Variants in TCERG1L observed in about 807,000 individuals in gnomAD.
TCERG1L encodes transcription elongation regulator 1 like.
A neutral mutation model predicts 56.3 loss-of-function variants in TCERG1L; 37 were observed. The observed-to-expected ratio is 0.66, with a 90% CI of 0.51 to 0.87. The LOEUF (loss-of-function observed/expected upper bound fraction) is 0.87. Ranked by LOEUF, TCERG1L falls within the 40% of genes least tolerant of loss-of-function variation. The probability of loss-of-function intolerance (pLI) is 0.00; values close to 1 mark genes in which losing one functional copy is unlikely to be tolerated. For missense variants in TCERG1L, 799 were observed against 774.2 expected, an observed-to-expected ratio of 1.03 and a Z score of -0.38; for synonymous variants, 324 against 326.3, an observed-to-expected ratio of 0.99 and a Z score of 0.08.
intron 4 of TCERG1L, among the ~76,000 whole-genome samples, chr10:131,234,848 C>T (rs1005618261): frequency 6.6e-6 from 1 of 152,198 alleles, no homozygotes; most frequent in South Asian, 2.1e-4. Context: ...GGACTACAGG[C>T]GTGCGCCACC....
chr10:131,153,167 C>T (rs1410140404), intron 6 of TCERG1L, among the ~76,000 whole-genome samples: 1 of 152,126 alleles, frequency 6.6e-6, no homozygotes, highest in Non-Finnish European at 1.5e-5. Context: ...TCCCCAGACA[C>T]TAGGCTGAGT....
intron 8 of TCERG1L, among the ~76,000 whole-genome samples, chr10:131,123,819 G>A (rs1436357331): frequency 6.6e-6 from 1 of 152,154 alleles, no homozygotes; most frequent in Admixed American, 6.5e-5. Context: ...ATTCCCATTA[G>A]GACCCCACGG....
In TCERG1L at chr10:131,267,832, G is replaced by A. The variant is rs557514876; in HGVS notation, c.671-7388C>T. Among the ~76,000 whole-genome samples, 110 of 152,276 alleles carry A rather than the reference G, an allele frequency of 7.2e-4. No homozygotes were observed. Among genetic ancestry groups the A allele is most frequent in the African/African-American group, 2.6e-3 (107 of 41,560 alleles). ...GTCCACCTCCTTGCAGACTTCGGTG[G>A]GGGCTCCAGGGCCTTGCCAGGCCCG... On this transcript the variant is annotated intron_variant, in intron 3 of 11. Transcript: ENST00000368642. This position sits in a 1 kb window ranked among gnomAD's most constrained non-coding sequence, Gnocchi z 4.9.
intron 3 of TCERG1L, among the ~76,000 whole-genome samples, chr10:131,277,644 A>G (rs1286036861): frequency 2.0e-5 from 3 of 152,216 alleles, no homozygotes; most frequent in African/African-American, 7.2e-5. Flanking sequence ...ACAAGCTAAC[A>G]GAAAGCTTGA....
chr10:131,123,597 T>A (rs570379407), intron 8 of TCERG1L, among the ~76,000 whole-genome samples: 96 of 152,226 alleles, frequency 6.3e-4, no homozygotes, highest in East Asian at 1.4e-3. Context: ...GCTGTGACCT[T>A]TCACTCCCAG....
intron 4 of TCERG1L, among the ~76,000 whole-genome samples, chr10:131,231,250 C>T (rs1845848637): frequency 6.6e-6 from 1 of 152,218 alleles, no homozygotes. Context: ...CAGCAGGCTC[C>T]AGTGCTTCTC....
chr10:131,211,835 T>C (rs1845624333), intron 4 of TCERG1L, among the ~76,000 whole-genome samples: 4 of 152,172 alleles, frequency 2.6e-5, no homozygotes, highest in Non-Finnish European at 5.9e-5. Context: ...GGAGCATCCA[T>C]TTCTCTGATG....
intron 3 of TCERG1L, among the ~76,000 whole-genome samples, chr10:131,281,083 T>C (rs1846446622): frequency 6.6e-6 from 1 of 152,234 alleles, no homozygotes; most frequent in Admixed American, 6.5e-5. Context: ...ATCCAAAGCC[T>C]GCATCAATGT....
intron 11 of TCERG1L, among the ~76,000 whole-genome samples, chr10:131,096,789 C>T (rs1845251937): frequency 6.6e-6 from 1 of 151,708 alleles, no homozygotes; most frequent in Admixed American, 6.6e-5. Context: ...CACCTGTAGT[C>T]CCAGCTACTT....
chr10:131,223,277 A>C (rs753187780), intron 4 of TCERG1L, among the ~76,000 whole-genome samples: 17 of 152,314 alleles, frequency 1.1e-4, no homozygotes, highest in African/African-American at 1.9e-4. Context: ...CGGCAAGCCC[A>C]GCCGTGTCCC....
chr10:131,260,885 T>C lies in TCERG1L; in HGVS notation c.671-441A>G, dbSNP rs1846231485. On this transcript the variant is annotated intron_variant, in intron 3 of 11. Transcript: ENST00000368642. The surrounding 1 kb of genome is among the most constrained non-coding windows in gnomAD (Gnocchi z 5.8). ...GGTGGTTTGGAAGAAGGGGCAGCTG[T>C]GGGCCAGGGTGGAGAGAGGTTTCCA... 6.6e-6 allele frequency among the ~76,000 whole-genome samples: 1 copy of C among 152,090 alleles called. No individual in the cohort carries two copies. Among genetic ancestry groups the C allele is most frequent in the Admixed American group, 6.5e-5 (1 of 15,274 alleles).
chr10:131,121,711 C>G (rs1356171933), intron 8 of TCERG1L, among the ~76,000 whole-genome samples: 1 of 152,120 alleles, frequency 6.6e-6, no homozygotes, highest in Non-Finnish European at 1.5e-5. Flanking sequence ...GACAGAGATG[C>G]CCCCTCGGCC....
chr10:131,101,608 T>G (rs774009793), intron 10 of TCERG1L, among the ~76,000 whole-genome samples: 3 of 152,152 alleles, frequency 2.0e-5, no homozygotes, highest in Non-Finnish European at 2.9e-5. Flanking sequence ...ACTGATGATT[T>G]TAGACACTGC....
chr10:131,101,620 C>T (rs1257371668), intron 10 of TCERG1L, among the ~76,000 whole-genome samples: 1 of 152,164 alleles, frequency 6.6e-6, no homozygotes, highest in African/African-American at 2.4e-5. Context: ...AGACACTGCC[C>T]GGTTTATGGC....
intron 4 of TCERG1L, among the ~76,000 whole-genome samples, chr10:131,181,671 G>A (rs1175565821): frequency 3.9e-5 from 6 of 152,328 alleles, no homozygotes. Context: ...ACCCTGGCCC[G>A]GAGGAGACCT....
chr10:131,178,334 A>G (rs1256869913), intron 4 of TCERG1L, among the ~76,000 whole-genome samples: 1 of 152,198 alleles, frequency 6.6e-6, no homozygotes, highest in Non-Finnish European at 1.5e-5. Context: ...TTGAAACAAG[A>G]CGAGGCAGGT....
chr10:131,214,048 ACG>A (rs1845644656), intron 4 of TCERG1L, among the ~76,000 whole-genome samples: 2 of 77,350 alleles, frequency 2.6e-5, no homozygotes, highest in South Asian at 4.4e-4. Flanking sequence ...GCACACACAC[ACG>A]CACACACACA....
At chr10:131,160,008 G>A (rs555592226) in intron 6 of TCERG1L, among the ~76,000 whole-genome samples, 1 of 152,304 alleles carries the variant, frequency 6.6e-6, no homozygotes, top group African/African-American at 2.4e-5. Context: ...TCTGCATTCA[G>A]GTGGGGCTGA....
In TCERG1L at chr10:131,093,063, G is replaced by T; in HGVS notation, c.*99C>A. The T allele has an allele frequency of 2.2e-6, 3 of 1,341,596 alleles. No homozygotes were observed. The highest frequency in any genetic ancestry group is 2.2e-5 in the Admixed American group (1 of 44,510). 83.1% of individuals were successfully genotyped at this position (1,341,596 alleles called of 1,614,324 possible). On this transcript the variant is annotated 3_prime_UTR_variant, in exon 12 of 12. Coordinates refer to ENST00000368642, the MANE Select transcript of TCERG1L (RefSeq NM_174937.4). ...TGCCGGTGCCCGCTGGGCCGTGCAG[G>T]TCTCGGCCGCCCCACGCCCGTGTCC...
Sources: gnomAD v4.1 joint callset for allele counts (sites outside exome capture counted in the v4.1 genomes callset) on GRCh38, gnomAD v4.1.1 for gene constraint, Gnocchi (gnomAD v3.1) non-coding constraint, MANE v1.5 for transcripts, NCBI Gene and HGNC (gene_info 2026-07-23, HGNC 2026-07-21) for gene names.